The following CFAP57 variants were observed in gnomAD, a reference collection of about 807,000 sequenced individuals.
CFAP57 encodes cilia- and flagella-associated protein 57.
Under a neutral mutation model 146.8 loss-of-function variants are expected in CFAP57, and 116 were observed. That is an observed-to-expected ratio of 0.79 (90% confidence interval 0.68 to 0.92). The LOEUF (loss-of-function observed/expected upper bound fraction) is 0.92. Among genes scored for constraint, CFAP57 ranks in the 40% least tolerant of loss-of-function variants. CFAP57 has a pLI of 0.00. For missense variants in CFAP57, 1,377 were observed against 1,527.2 expected (o/e 0.90, Z 1.64); for synonymous variants, 518 against 552.8 (o/e 0.94, Z 0.88).
In CFAP57 at chr1:43,183,816, A is replaced by T. The variant is rs1645519880; in HGVS notation, c.700A>T (p.Ile234Leu). 1 of 1,614,226 alleles carries T rather than the reference A, an allele frequency of 6.2e-7. No individual in the cohort carries two copies. The highest frequency in any genetic ancestry group is 8.5e-7 in the Non-Finnish European group (1 of 1,180,034). ...TGGAGATCAGCGTTGGGAGACCAGC[A>T]TAATGGTCAAGGAACCTACCAATGG... ...ESGDQRWETS[I>L]MVKEPTNGSK... Residue 234 changes from isoleucine to leucine, a missense_variant, in exon 4 of 23, where the codon ATA (isoleucine) becomes TTA (leucine). By Grantham distance (5) the Ile-to-Leu change is conservative. Transcript: ENST00000372492.
At chr1:43,239,284 G>A (rs1240569394) in intron 21 of CFAP57, among the ~76,000 whole-genome samples, 1 of 152,192 alleles carries the variant, frequency 6.6e-6, no homozygotes, top group Non-Finnish European at 1.5e-5. Flanking sequence ...GCTGCACTGA[G>A]TGGTGGGCCT....
In CFAP57 at chr1:43,186,914, GA is replaced by G. The variant is rs1489677525; in HGVS notation, c.1122+56del. The G allele has an allele frequency of 7.3e-5, 118 of 1,608,958 alleles. No homozygotes were observed. In the Middle Eastern group the frequency reaches 8.2e-4, roughly 11 times the overall value. On this transcript the variant is annotated intron_variant, in intron 6 of 22. Transcript: ENST00000372492. The stretch of plus-strand genomic sequence containing the variant: ...ACCAGGACCTATCTGCCTGCTGGGG[GA>G]CTAGTCACCATGTGGGCAAATTTTA...
chr1:43,184,558 A>G (rs1005985656), intron 4 of CFAP57, among the ~76,000 whole-genome samples: 3 of 152,104 alleles, frequency 2.0e-5, no homozygotes, highest in African/African-American at 7.2e-5. Context: ...TGAGGATCAA[A>G]GAGGTAAGTG....
chr1:43,230,868 C>T (rs1645439243), intron 18 of CFAP57, among the ~76,000 whole-genome samples: 1 of 152,208 alleles, frequency 6.6e-6, no homozygotes, highest in South Asian at 2.1e-4. Flanking sequence ...AAGGCAGAAA[C>T]TACTTCTTAA....
At chr1:43,203,993 C>A (rs116168052) in intron 9 of CFAP57, among the ~76,000 whole-genome samples, 2 of 152,216 alleles carry the variant, frequency 1.3e-5, no homozygotes, top group Non-Finnish European at 2.9e-5. Flanking sequence ...TAATGGATGC[C>A]CACATTTCTC....
At chr1:43,172,628 A>AG (rs1645017047) in intron 1 of CFAP57, 107 bp from the exon 2 acceptor site, 2 of 806,130 alleles carry the variant, frequency 2.5e-6, no homozygotes, top group South Asian at 1.4e-5. Context: ...GAGAAAGGGG[A>AG]GAGACAAGGG....
At chr1:43,223,072 G>A (rs11585059) in intron 16 of CFAP57, 75 bp downstream of exon 16, 330,961 of 1,453,078 alleles carry the variant, frequency 0.23, 39,699 homozygotes, top group Middle Eastern at 0.26. Context: ...TGGACTGACC[G>A]GCCTGGGGGT....
At chr1:43,234,751 G>T in intron 21 of CFAP57, 113 bp downstream of exon 21, 1 of 1,292,088 alleles carries the variant, frequency 7.7e-7, no homozygotes, top group African/African-American at 1.5e-5. Context: ...GTGTCTGGGG[G>T]CCCAGTAGCT....
chr1:43,229,997 A>G (rs977242752), intron 18 of CFAP57, among the ~76,000 whole-genome samples: 7 of 152,206 alleles, frequency 4.6e-5, no homozygotes, highest in African/African-American at 1.7e-4. Flanking sequence ...CACACTGGGA[A>G]AAGATGCTTG....
At chr1:43,179,235 T>G (rs1645292351) in intron 2 of CFAP57, among the ~76,000 whole-genome samples, 1 of 152,106 alleles carries the variant, frequency 6.6e-6, no homozygotes, top group Non-Finnish European at 1.5e-5. Flanking sequence ...TATACATATG[T>G]AACAAACCTG....
chr1:43,249,048 AT>A (rs1229728481), intron 22 of CFAP57, among the ~76,000 whole-genome samples: 2,315 of 123,930 alleles, frequency 0.019, 32 homozygotes, highest in African/African-American at 0.041. Flanking sequence ...CTCCCAGCTA[AT>A]TTTTTTTTTT....
At chr1:43,239,270 T>G (rs1645817845) in intron 21 of CFAP57, among the ~76,000 whole-genome samples, 1 of 151,808 alleles carries the variant, frequency 6.6e-6, no homozygotes, top group South Asian at 2.1e-4. Context: ...AACAAGAGAG[T>G]CAGGCTGCAC....
At chr1:43,183,035 A>G (rs1424053944) in intron 3 of CFAP57, among the ~76,000 whole-genome samples, 3 of 152,260 alleles carry the variant, frequency 2.0e-5, no homozygotes, top group Non-Finnish European at 4.4e-5. Flanking sequence ...CACTAGGGTA[A>G]CAACCAAGAT....
intron 18 of CFAP57, among the ~76,000 whole-genome samples, chr1:43,229,933 CA>C (rs1248043654): frequency 6.6e-6 from 1 of 152,180 alleles, no homozygotes; most frequent in Non-Finnish European, 1.5e-5. Context: ...GCCTGAGCCC[CA>C]TTGAGAATCT....
chr1:43,215,720 C>G (rs937319035), intron 12 of CFAP57, among the ~76,000 whole-genome samples: 1 of 152,210 alleles, frequency 6.6e-6, no homozygotes, highest in Admixed American at 6.5e-5. Flanking sequence ...ATACAGTTCT[C>G]TTATGACCAA....
At chr1:43,193,855 C>T (rs931736808) in intron 6 of CFAP57, among the ~76,000 whole-genome samples, 3 of 152,122 alleles carry the variant, frequency 2.0e-5, no homozygotes, top group East Asian at 1.9e-4. Flanking sequence ...TGAGTTACCA[C>T]TGAAGTCATT....
At chr1:43,189,565 A>T (rs1386397584) in intron 6 of CFAP57, among the ~76,000 whole-genome samples, 5 of 152,202 alleles carry the variant, frequency 3.3e-5, no homozygotes. Context: ...ATAGAAATAC[A>T]ATTAATTTTT....
chr1:43,240,991 C>T (rs2991341), intron 21 of CFAP57, among the ~76,000 whole-genome samples: 53,398 of 152,052 alleles, frequency 0.35, 9,759 homozygotes, highest in Non-Finnish European at 0.4. Flanking sequence ...CCCGCCACCA[C>T]GCCCGGCTAA....
intron 21 of CFAP57, among the ~76,000 whole-genome samples, chr1:43,237,015 G>A (rs1044445101): frequency 6.6e-6 from 1 of 152,144 alleles, no homozygotes; most frequent in Non-Finnish European, 1.5e-5. Flanking sequence ...ATCACAGGAT[G>A]GGCCACGGGT....
Sources: allele counts gnomAD v4.1 joint callset (sites outside exome capture counted in the v4.1 genomes callset), GRCh38; gene constraint gnomAD v4.1.1; transcripts MANE v1.5; gene names NCBI Gene and HGNC (gene_info 2026-07-23, HGNC 2026-07-21).